Variants in KCNB2 observed in about 807,000 individuals in gnomAD.
KCNB2 encodes delayed rectifier potassium channel protein.
A neutral mutation model predicts 61.5 loss-of-function variants in KCNB2; 15 were observed. That is an observed-to-expected ratio of 0.24 (90% confidence interval 0.16 to 0.38). KCNB2 has a LOEUF of 0.38. KCNB2 is among the 10% of genes least tolerant of loss of function. The pLI, the probability that KCNB2 is intolerant of heterozygous loss-of-function variation, is 1.00. For missense variants in KCNB2, 828 were observed against 1,125.2 expected (o/e 0.74, Z 3.78); for synonymous variants, 457 against 446.0 (o/e 1.02, Z -0.31).
intron 2 of KCNB2, among the ~76,000 whole-genome samples, chr8:72,616,101 G>T (rs1805615300): frequency 6.6e-6 from 1 of 152,140 alleles, no homozygotes; most frequent in South Asian, 2.1e-4. Context: ...GCATTTTAAG[G>T]TTCTCAATCA....
At position 72,772,598 on chromosome 8, in the gene KCNB2, CCTT is replaced by C. The variant is rs143525632; in HGVS notation, c.580-163333_580-163331del. 4.2e-3 allele frequency among the ~76,000 whole-genome samples: 647 copies of C among 152,260 alleles called. 1 individual carries two copies. Among genetic ancestry groups the C allele is most frequent in the Non-Finnish European group, 7.1e-3 (481 of 68,020 alleles). ...CTTTCTATTTGGACTTCCCAGAAGA[CCTT>C]CTTATTCTTAAGCACCAGGTCTTTT... On this transcript the variant is annotated intron_variant, in intron 2 of 2. Transcript: ENST00000523207.
At position 72,774,362 on chromosome 8, in the gene KCNB2, A is replaced by AT. The variant is rs554568691; in HGVS notation, c.580-161567dup. Among the ~76,000 whole-genome samples the AT allele has an allele frequency of 2.2e-3, 338 of 152,148 alleles. 4 individuals are homozygous for AT. The highest frequency in any genetic ancestry group is 0.01 in the Middle Eastern group (3 of 294). ...TTCTGTCATCTTAATTATTATTATTATTTTTTGAGACAGAGTCTTCCTTTG... is the reference window on the plus strand; with the variant it reads ...TTCTGTCATCTTAATTATTATTATTATTTTTTTGAGACAGAGTCTTCCTTTG... On this transcript the variant is annotated intron_variant, in intron 2 of 2. Transcript: ENST00000523207.
intron 2 of KCNB2, among the ~76,000 whole-genome samples, chr8:72,711,183 A>G (rs1165192369): frequency 6.6e-6 from 1 of 152,186 alleles, no homozygotes; most frequent in East Asian, 1.9e-4. Context: ...ACAATTGATT[A>G]CTCTGGACCA....
intron 2 of KCNB2, among the ~76,000 whole-genome samples, chr8:72,578,401 G>T (rs1330896983): frequency 2.0e-5 from 3 of 152,118 alleles, no homozygotes; most frequent in African/African-American, 4.8e-5. Flanking sequence ...ACATGAATTT[G>T]CCATTTCATA....
chr8:72,901,312 A>G (rs1277541447), intron 2 of KCNB2, among the ~76,000 whole-genome samples: 1 of 152,204 alleles, frequency 6.6e-6, no homozygotes, highest in African/African-American at 2.4e-5. Context: ...AGTGACTGGC[A>G]AGAAACAGTA....
intron 2 of KCNB2, among the ~76,000 whole-genome samples, chr8:72,857,092 A>G (rs1038136933): frequency 2.0e-5 from 3 of 152,198 alleles, no homozygotes; most frequent in Non-Finnish European, 4.4e-5. Context: ...CACTTGTTCA[A>G]TGAATATTTA....
chr8:72,756,712 G>T (rs1808295823), intron 2 of KCNB2, among the ~76,000 whole-genome samples: 1 of 152,314 alleles, frequency 6.6e-6, no homozygotes, highest in South Asian at 2.1e-4. Flanking sequence ...CAGTTGGAAA[G>T]TTCCTGCAGT....
chr8:72,812,248 A>G lies in KCNB2; in HGVS notation c.580-123687A>G, dbSNP rs146793181. 9.7e-4 allele frequency among the ~76,000 whole-genome samples: 148 copies of G among 152,124 alleles called. 2 individuals are homozygous for G. Among genetic ancestry groups the G allele is most frequent in the African/African-American group, 3.3e-3 (136 of 41,454 alleles). The stretch of plus-strand genomic sequence containing the variant: ...GCACCACTGCCCTCCAGCCTGGGCT[A>G]CAGAGTGAGACTCTGTCTCAAAAAA... On this transcript the variant is annotated intron_variant, in intron 2 of 2. Transcript: ENST00000523207.
chr8:72,573,108 A>G (rs1806739745), intron 2 of KCNB2, among the ~76,000 whole-genome samples: 1 of 152,194 alleles, frequency 6.6e-6, no homozygotes. Context: ...CTCCTTGAGA[A>G]CTAGTCCCCT....
At chr8:72,768,608 A>G (rs1182424501) in intron 2 of KCNB2, among the ~76,000 whole-genome samples, 1 of 151,978 alleles carries the variant, frequency 6.6e-6, no homozygotes, top group Non-Finnish European at 1.5e-5. Context: ...TTTTGGTGTC[A>G]TAGGTAGAAA....
rs1456526969 is a variant in KCNB2 at position 72,936,090 on chromosome 8, C to T, written c.735C>T (p.Thr245=). 6.2e-7 allele frequency: 1 copy of T among 1,614,074 alleles called. No homozygotes were observed. Among genetic ancestry groups the T allele is most frequent in the East Asian group, 2.2e-5 (1 of 44,884 alleles). The change falls in exon 3 of 3, where the codon ACC becomes ACT. Residue 245 remains threonine, a synonymous_variant. Transcript: ENST00000523207. The surrounding 1 kb of genome is among the most constrained non-coding windows in gnomAD (Gnocchi z 5.6). ...HVEAVCIAWF[T]MEYLLRFLSS... is the part of the protein sequence containing the mutation. Reference sequence around the variant, plus strand: ...AGGCTGTGTGTATTGCATGGTTTACCATGGAGTACCTTTTGCGATTCTTAT... The same window carrying T: ...AGGCTGTGTGTATTGCATGGTTTACTATGGAGTACCTTTTGCGATTCTTAT...
intron 2 of KCNB2, among the ~76,000 whole-genome samples, chr8:72,673,724 A>G (rs2075460684): frequency 6.6e-6 from 1 of 152,232 alleles, no homozygotes; most frequent in Admixed American, 6.5e-5. Context: ...TTCCACTTAT[A>G]TGATGTACAT....
intron 2 of KCNB2, among the ~76,000 whole-genome samples, chr8:72,706,451 T>C (rs532628668): frequency 5.9e-5 from 9 of 152,306 alleles, no homozygotes; most frequent in South Asian, 4.1e-4. Context: ...AAAATGCCTT[T>C]TCTTTAAGGT....
At chr8:72,650,557 T>G (rs1308416456) in intron 2 of KCNB2, among the ~76,000 whole-genome samples, 2 of 152,136 alleles carry the variant, frequency 1.3e-5, no homozygotes, top group African/African-American at 4.8e-5. Context: ...TTCACAGCAT[T>G]TATCAGAGCT....
At chr8:72,843,794 T>C (rs969755969) in intron 2 of KCNB2, among the ~76,000 whole-genome samples, 7 of 152,284 alleles carry the variant, frequency 4.6e-5, no homozygotes, top group African/African-American at 1.4e-4. Flanking sequence ...GCTTGGTAAA[T>C]ATTCCTCCAT....
chr8:72,808,741 C>A (rs904338964), intron 2 of KCNB2, among the ~76,000 whole-genome samples: 2 of 152,128 alleles, frequency 1.3e-5, no homozygotes, highest in African/African-American at 4.8e-5. Context: ...ACCCCCAAGC[C>A]AGCTCTTCAG....
At chr8:72,885,150 AT>A (rs1450131855) in intron 2 of KCNB2, among the ~76,000 whole-genome samples, 2 of 152,092 alleles carry the variant, frequency 1.3e-5, no homozygotes, top group African/African-American at 2.4e-5. Context: ...TCATTAATAG[AT>A]TTTAAAATAT....
intron 2 of KCNB2, among the ~76,000 whole-genome samples, chr8:72,908,546 A>G (rs1209081471): frequency 6.6e-6 from 1 of 152,212 alleles, no homozygotes; most frequent in Non-Finnish European, 1.5e-5. Flanking sequence ...CCAACAGCTC[A>G]TAGCATAGTA....
At chr8:72,895,258 A>T (rs150634631) in intron 2 of KCNB2, among the ~76,000 whole-genome samples, 210 of 152,338 alleles carry the variant, frequency 1.4e-3, no homozygotes, top group Middle Eastern at 6.8e-3. Flanking sequence ...TAGGGAGATT[A>T]TCCTGGATTA....
Sources: gnomAD v4.1 joint callset for allele counts (sites outside exome capture counted in the v4.1 genomes callset) on GRCh38, gnomAD v4.1.1 for gene constraint, Gnocchi (gnomAD v3.1) non-coding constraint, MANE v1.5 for transcripts, NCBI Gene and HGNC (gene_info 2026-07-23, HGNC 2026-07-21) for gene names.